SENP3: variants seen among roughly 807,000 people sequenced by gnomAD.
The protein encoded by SENP3 is SUMO specific peptidase 3.
SENP3 carries 11 observed loss-of-function variants against 66.2 expected under a neutral mutation model. That is an observed-to-expected ratio of 0.17 (90% CI 0.10 to 0.28). The LOEUF is 0.28. SENP3 is among the 10% of genes least tolerant of loss of function. The probability of loss-of-function intolerance (pLI) is 1.00; values close to 1 mark genes in which losing one functional copy is unlikely to be tolerated. For synonymous variants in SENP3, 292 were observed against 277.6 expected, an observed-to-expected ratio of 1.05 and a Z score of -0.52; for missense variants, 548 against 743.7, an observed-to-expected ratio of 0.74 and a Z score of 3.06.
At position 7,570,600 on chromosome 17, in the gene SENP3, G is replaced by A. The variant is rs2071305036; in HGVS notation, c.1480-81G>A. 36 of 1,569,354 alleles carry A rather than the reference G, an allele frequency of 2.3e-5. No homozygotes were observed. Among genetic ancestry groups the A allele is most frequent in the South Asian group, 1.5e-4 (13 of 87,310 alleles). ...GTCTTTGAGGGGCGACCTGGGCATG[G>A]TGTCTGCCAGCACTGTACCCACCAT... On this transcript the variant is annotated intron_variant, in intron 8 of 10. Transcript: ENST00000321337. This position sits in a 1 kb window ranked among gnomAD's most constrained non-coding sequence, Gnocchi z 5.4.
In SENP3 at chr17:7,565,443, G is replaced by A; in HGVS notation, c.1071G>A (p.Lys357=). The A allele has an allele frequency of 6.2e-7, 1 of 1,613,698 alleles. No homozygotes were observed. Among genetic ancestry groups the A allele is most frequent in the Non-Finnish European group, 8.5e-7 (1 of 1,179,782 alleles). The change falls in exon 5 of 11, where the codon AAG becomes AAA. Residue 357 remains lysine (K), a synonymous_variant. Coordinates refer to ENST00000321337, the MANE Select transcript of SENP3 (RefSeq NM_015670.6). ...ACTCCACCCTTGGCCTACTCAGGAAGGGCCTGGTGTTGCAGCTGATCCAGT... is the reference window on the plus strand; with the variant it reads ...ACTCCACCCTTGGCCTACTCAGGAAAGGCCTGGTGTTGCAGCTGATCCAGT... ...FQQEFSTPSR[K]GLVLQLIQSY...
Position 7,563,659 on chromosome 17 carries a change from C to A in SENP3, c.583C>A (p.Pro195Thr), listed in dbSNP as rs748429172. Residue 195 changes from proline to threonine, a missense_variant, in exon 2 of 11, where the codon CCC becomes ACC. This residue lies in a region of SENP3 where 215 missense variants were observed against 230.7 expected (regional missense o/e 0.93). Transcript: ENST00000321337. Reference sequence around the variant, plus strand: ...TGACTCCCCCCGGGGGCCACCTCCACCCCGGCTGGGTCTGCTAGGTGCTCT... The same window carrying A: ...TGACTCCCCCCGGGGGCCACCTCCAACCCGGCTGGGTCTGCTAGGTGCTCT... The part of the protein sequence containing the change: ...RFDSPRGPPP[P>T]RLGLLGALMA... 6.2e-7 allele frequency: 1 copy of A among 1,611,440 alleles called. No homozygotes were observed. The highest frequency in any genetic ancestry group is 1.1e-5 in the South Asian group (1 of 90,846).
Position 7,570,430 on chromosome 17 carries a change from T to C in SENP3, c.1416T>C (p.Asp472=), listed in dbSNP as rs1261614340. The change falls in exon 8 of 11, where the codon GAT becomes GAC. Residue 472 remains aspartate (D), a synonymous_variant. Transcript: ENST00000321337. This position sits in a 1 kb window ranked among gnomAD's most constrained non-coding sequence, Gnocchi z 5.4. Reference sequence around the variant, plus strand: ...TGCATTGGTCCCTCATCTCTGTTGATGTGAGGCGACGCACCATCACCTATT... The same window carrying C: ...TGCATTGGTCCCTCATCTCTGTTGACGTGAGGCGACGCACCATCACCTATT... ...LEVHWSLISV[D]VRRRTITYFD... 6 of 1,613,812 alleles carry C rather than the reference T, an allele frequency of 3.7e-6. No homozygotes were observed. Among genetic ancestry groups the C allele is most frequent in the Non-Finnish European group, 5.1e-6 (6 of 1,179,838 alleles).
Position 7,564,861 on chromosome 17 carries a change from C to G in SENP3, c.952C>G (p.Gln318Glu), listed in dbSNP as rs775886964. ...PLREEHVTCV[Q>E]SILDEFLQTY... ...GCGAGAGGAGCATGTGACCTGCGTA[C>G]AGAGTAAGGAGCCCTTAAGCAACTA... Residue 318 changes from glutamine (Q) to glutamate (E), a missense_variant, in exon 3 of 11, where the codon CAG becomes GAG. This residue lies in a region of SENP3 where 215 missense variants were observed against 230.7 expected (regional missense o/e 0.93). Coordinates refer to ENST00000321337, the MANE Select transcript of SENP3 (RefSeq NM_015670.6). The G allele has an allele frequency of 1.9e-6, 3 of 1,607,816 alleles. No homozygotes were observed. The highest frequency in any genetic ancestry group is 2.6e-6 in the Non-Finnish European group (3 of 1,175,768).
At position 7,570,775 on chromosome 17, in the gene SENP3, TG is replaced by T; in HGVS notation, c.1563+12del. ...GGTTACTTCAAAATGGTGAGTTTCC[TG>T]AGGGAGGGGTATAGGGTGTTGGTGG... On this transcript the variant is annotated intron_variant, in intron 9 of 10. Coordinates refer to ENST00000321337, the MANE Select transcript of SENP3 (RefSeq NM_015670.6). This position sits in a 1 kb window ranked among gnomAD's most constrained non-coding sequence, Gnocchi z 5.4. 6.2e-7 allele frequency: 1 copy of T among 1,609,138 alleles called. No individual in the cohort carries two copies. Among genetic ancestry groups the T allele is most frequent in the Non-Finnish European group, 8.5e-7 (1 of 1,177,338 alleles).
At chr17:7,565,233 G>C in intron 4 of SENP3, 163 bp downstream of exon 4, 3 of 794,192 alleles carry the variant, frequency 3.8e-6, no homozygotes, top group Non-Finnish European at 6.0e-6. Flanking sequence ...GCTGATGGGA[G>C]AGTCTTTACC....
In SENP3 at chr17:7,563,340, T is replaced by G; in HGVS notation, c.264T>G (p.Asp88Glu). ...EEEEEEEEDE[D>E]EEEEVAAWRL... ...AAGAGGAGGAGGAGGAGGATGAAGA[T>G]GAAGAGGAGGAAGTGGCAGCTTGGA... Residue 88 changes from aspartate to glutamate, a missense_variant, in exon 2 of 11, where the codon GAT becomes GAG. Asp to Glu is a conservative substitution (Grantham distance 45). Transcript: ENST00000321337. 1 of 1,552,290 alleles carries G rather than the reference T, an allele frequency of 6.4e-7. No individual in the cohort carries two copies. The highest frequency in any genetic ancestry group is 8.7e-7 in the Non-Finnish European group (1 of 1,147,272).
chr17:7,564,636 T>G lies in SENP3; in HGVS notation c.727T>G (p.Cys243Gly). 6.2e-7 allele frequency: 1 copy of G among 1,614,044 alleles called. No homozygotes were observed. Residue 243 changes from cysteine to glycine, a missense_variant, in exon 3 of 11, where the codon TGT becomes GGT. By Grantham distance (159) the Cys-to-Gly change is radical. Around this residue, in one of 6 missense-constraint regions of SENP3, gnomAD observed 215 missense variants for 230.7 expected, o/e 0.93. Coordinates refer to ENST00000321337, the MANE Select transcript of SENP3 (RefSeq NM_015670.6). ...PLDPDSGLLS[C>G]TLPNGFGGQS... ...CCCCTGCCCTATAGGCCTCCTTTCATGTACTCTGCCCAACGGTTTTGGGGG... is the reference window on the plus strand; with the variant it reads ...CCCCTGCCCTATAGGCCTCCTTTCAGGTACTCTGCCCAACGGTTTTGGGGG...
Position 7,563,275 on chromosome 17 carries a change from C to T in SENP3, c.199C>T (p.Arg67Ter), listed in dbSNP as rs1471220889. The T allele has an allele frequency of 6.4e-7, 1 of 1,553,974 alleles. No individual in the cohort carries two copies. The highest frequency in any genetic ancestry group is 8.7e-7 in the Non-Finnish European group (1 of 1,148,324). ...TVPARRLPVP[R>*]PSFDASASEE... ...GCCAGCCAGACGCCTCCCTGTCCCC[C>T]GACCCTCTTTTGATGCCTCAGCAAG... The change falls in exon 2 of 11, where the codon CGA becomes TGA. Residue 67 changes from arginine to a stop codon, truncating the protein, a stop_gained. Coordinates refer to ENST00000321337, the MANE Select transcript of SENP3 (RefSeq NM_015670.6). LOFTEE classifies it high-confidence loss of function.
rs1451226124 is a variant in SENP3, at chr17:7,563,331, GGATGAA to G, written c.264_269del (p.Asp88_Glu89del). ...AGGAGGAAGAAGAGGAGGAGGAGGAGGATGAAGATGAAGAGGAGGAAGTGGCAGCTT... is the reference window on the plus strand; with the variant it reads ...AGGAGGAAGAAGAGGAGGAGGAGGAGGATGAAGAGGAGGAAGTGGCAGCTT... On this transcript the variant is annotated inframe_deletion, in exon 2 of 11. Transcript: ENST00000321337. 10 of 1,552,558 alleles carry G rather than the reference GGATGAA, an allele frequency of 6.4e-6. No individual in the cohort carries two copies. The highest frequency in any genetic ancestry group is 5.9e-5 in the Admixed American group (3 of 51,072).
intron 5 of SENP3, 61 bp from the exon 6 acceptor site, chr17:7,565,656 G>C (rs1446648255): frequency 1.9e-6 from 3 of 1,612,742 alleles, no homozygotes; most frequent in Admixed American, 1.7e-5. Context: ...CCCTCTGCAT[G>C]GGGGAGCCCT....
At chr17:7,565,620 G>C in intron 5 of SENP3, 33 bp downstream of exon 5, 1 of 1,613,388 alleles carries the variant, frequency 6.2e-7, no homozygotes, top group South Asian at 1.1e-5. Context: ...GCCTGAGAGG[G>C]GATTCAGGGA....
At chr17:7,564,078 A>G (rs1316061802) in intron 2 of SENP3, among the ~76,000 whole-genome samples, 1 of 152,180 alleles carries the variant, frequency 6.6e-6, no homozygotes, top group East Asian at 1.9e-4. Context: ...GTGGTTTACA[A>G]AAATCCTGTC....
chr17:7,567,797 T>C (rs886565312), intron 7 of SENP3, among the ~76,000 whole-genome samples: 4 of 151,970 alleles, frequency 2.6e-5, no homozygotes, highest in African/African-American at 9.7e-5. Context: ...TACGGTAGGC[T>C]GAGGAGGGGG....
Position 7,563,856 on chromosome 17 carries a change from C to T in SENP3, c.715+65C>T, listed in dbSNP as rs1479113493. 4 of 1,362,884 alleles carry T rather than the reference C, an allele frequency of 2.9e-6. No homozygotes were observed. The African/African-American group carries it at 4.4e-5, about 15-fold the overall frequency. The allele number at this position is 1,362,884 out of a possible 1,614,324, so 84.4% of individuals were successfully genotyped here. A position where few individuals can be genotyped will look rare whatever the true frequency, so the allele number is the denominator to read the frequency against. ...TAGGGAGGGTTAAGAGCCTGGAGCA[C>T]CAGGAGCCTGTTGCCATGGTGAGAG... On this transcript the variant is annotated intron_variant, in intron 2 of 10. Coordinates refer to ENST00000321337, the MANE Select transcript of SENP3 (RefSeq NM_015670.6).
intron 10 of SENP3, 147 bp from the exon 11 acceptor site, chr17:7,571,226 G>C: frequency 1.6e-6 from 1 of 634,452 alleles, no homozygotes; most frequent in South Asian, 2.0e-5. Context: ...ACTAGCTTTA[G>C]AGTCAGGCTG....
Position 7,564,520 on chromosome 17 carries a change from A to G in SENP3, c.716-105A>G, listed in dbSNP as rs573444752. ...ACATTGGTGGATTCTGCTTCAGTGT[A>G]TCCTTCTTGCGGTCTTATTTGCATG... On this transcript the variant is annotated intron_variant, in intron 2 of 10. Coordinates refer to ENST00000321337, the MANE Select transcript of SENP3 (RefSeq NM_015670.6). 5.4e-6 allele frequency: 8 copies of G among 1,485,548 alleles called. No homozygotes were observed. The South Asian group carries it at 6.1e-5, about 11-fold the overall frequency. 92.0% of individuals were successfully genotyped at this position (1,485,548 alleles called of 1,614,324 possible).
At chr17:7,568,731 C>G (rs565130137) in intron 7 of SENP3, among the ~76,000 whole-genome samples, 2 of 152,276 alleles carry the variant, frequency 1.3e-5, no homozygotes, top group Non-Finnish European at 2.9e-5. Flanking sequence ...TTGTACTACC[C>G]TTTGTTAATA....
At chr17:7,571,004 GCA>G (rs2071309062) in intron 10 of SENP3, 71 bp downstream of exon 10, 1 of 1,352,994 alleles carries the variant, frequency 7.4e-7, no homozygotes, top group East Asian at 2.4e-5. Context: ...AGGCTGTTAT[GCA>G]TCCCCTCATT....
Sources: allele counts gnomAD v4.1 joint callset (sites outside exome capture counted in the v4.1 genomes callset), GRCh38; gene constraint gnomAD v4.1.1; regional missense constraint gnomAD v4.1.1; non-coding constraint Gnocchi (gnomAD v3.1); transcripts MANE v1.5; gene names NCBI Gene and HGNC (gene_info 2026-07-23, HGNC 2026-07-21).